Variants in HK2 observed in about 807,000 individuals in gnomAD.
The protein encoded by HK2 is hexokinase 2.
In HK2, 42 loss-of-function variants were observed where a neutral mutation model predicts 92.9. That is an observed-to-expected ratio of 0.45 (90% CI 0.35 to 0.58). The LOEUF is 0.58. Ranked by LOEUF, HK2 falls within the 20% of genes least tolerant of loss-of-function variation. HK2 has a pLI of 0.00. For synonymous variants in HK2, 422 were observed against 468.0 expected (o/e 0.90, Z 1.27); for missense variants, 978 against 1,245.1 (o/e 0.79, Z 3.23).
At position 74,878,817 on chromosome 2, in the gene HK2, A is replaced by G. The variant is rs138547217; in HGVS notation, c.1161A>G (p.Ala387=). The part of the protein sequence containing the change: ...IVSTRSASLC[A]ATLAAVLQRI... ...CCACACGCTCCGCCAGCCTGTGCGC[A>G]GCCACCCTGGCCGCCGTGCTGCAGC... The change falls in exon 9 of 18, where the codon GCA becomes GCG. Residue 387 remains alanine, a synonymous_variant. Transcript: ENST00000290573. 15 of 1,560,896 alleles carry G rather than the reference A, an allele frequency of 9.6e-6. No homozygotes were observed. Among genetic ancestry groups the G allele is most frequent in the Admixed American group, 5.7e-5 (3 of 52,310 alleles).
intron 1 of HK2, among the ~76,000 whole-genome samples, chr2:74,851,250 T>C (rs1688559750): frequency 6.6e-6 from 1 of 152,180 alleles, no homozygotes; most frequent in Admixed American, 6.5e-5. Flanking sequence ...TGCAGAAGTT[T>C]TACGAAGACA....
At position 74,834,805 on chromosome 2, in the gene HK2, G is replaced by T. The variant is rs1468057911; in HGVS notation, c.63+162G>T. On this transcript the variant is annotated intron_variant, in intron 1 of 17. Transcript: ENST00000290573. This position sits in a 1 kb window ranked among gnomAD's most constrained non-coding sequence, Gnocchi z 4.2. Reference sequence around the variant, plus strand: ...GACACTCCTGGGCGCCAGGAGCCACGTCCGCTAAGCACAGCCGGCGAGTGC... The same window carrying T: ...GACACTCCTGGGCGCCAGGAGCCACTTCCGCTAAGCACAGCCGGCGAGTGC... Among the ~76,000 whole-genome samples, 4 of 147,040 alleles carry T rather than the reference G, an allele frequency of 2.7e-5. No individual in the cohort carries two copies. Among genetic ancestry groups the T allele is most frequent in the African/African-American group, 9.8e-5 (4 of 40,906 alleles).
chr2:74,888,105 CT>C, intron 16 of HK2, 47 bp downstream of exon 16: 2 of 1,594,584 alleles, frequency 1.3e-6, no homozygotes, highest in Non-Finnish European at 1.7e-6. Context: ...GTCCTTTTTT[CT>C]CACTGGCAGA....
At chr2:74,855,150 C>T (rs1185213843) in intron 2 of HK2, among the ~76,000 whole-genome samples, 2 of 152,156 alleles carry the variant, frequency 1.3e-5, no homozygotes, top group African/African-American at 4.8e-5. Flanking sequence ...GCATGTGCCA[C>T]CAAGCCCGGC....
At chr2:74,861,185 T>G (rs879393266) in intron 2 of HK2, among the ~76,000 whole-genome samples, 11 of 152,098 alleles carry the variant, frequency 7.2e-5, no homozygotes, top group South Asian at 4.1e-4. Flanking sequence ...CCTAACACTT[T>G]GGGAGGCCAA....
Position 74,834,765 on chromosome 2 carries a change from A to T in HK2, c.63+122A>T, listed in dbSNP as rs1688109146. On this transcript the variant is annotated intron_variant, in intron 1 of 17. Coordinates refer to ENST00000290573, the MANE Select transcript of HK2 (RefSeq NM_000189.5). The surrounding 1 kb of genome is among the most constrained non-coding windows in gnomAD (Gnocchi z 4.2). ...CTACTCCGGGCCTGGGAGCGGAAAA[A>T]GTTTGGGCAGCCGGGACACTCCTGG... The T allele has an allele frequency of 9.3e-7, 1 of 1,077,584 alleles. No homozygotes were observed. Among genetic ancestry groups the T allele is most frequent in the African/African-American group, 1.6e-5 (1 of 64,158 alleles). 66.8% of individuals were successfully genotyped at this position (1,077,584 alleles called of 1,614,324 possible).
At position 74,868,690 on chromosome 2, in the gene HK2, G is replaced by A. The variant is rs1027897917; in HGVS notation, c.375+906G>A. On this transcript the variant is annotated intron_variant, in intron 3 of 17. Transcript: ENST00000290573. ...GGTTGCCTTTTCTTCCCGTTGCCTC[G>A]ATCTCCTGCCTTGGGCCACATCCCC... 3.9e-5 allele frequency among the ~76,000 whole-genome samples: 6 copies of A among 152,118 alleles called. No homozygotes were observed. The East Asian group carries it at 5.8e-4, about 15-fold the overall frequency.
At chr2:74,841,120 T>C (rs1240220137) in intron 1 of HK2, among the ~76,000 whole-genome samples, 1 of 152,144 alleles carries the variant, frequency 6.6e-6, no homozygotes, top group Non-Finnish European at 1.5e-5. Flanking sequence ...AGAGCAAGAA[T>C]TTCCACCTTA....
At chr2:74,866,961 A>T (rs559362986) in intron 2 of HK2, among the ~76,000 whole-genome samples, 1 of 151,870 alleles carries the variant, frequency 6.6e-6, no homozygotes, top group Non-Finnish European at 1.5e-5. Context: ...GCAATATGCA[A>T]ACATAATATG....
Position 74,872,318 on chromosome 2 carries a change from G to T in HK2, c.394G>T (p.Glu132Ter). The change falls in exon 4 of 18, where the codon GAA becomes TAA. Residue 132 changes from glutamate to a stop codon, truncating the protein, a stop_gained. Transcript: ENST00000290573. LOFTEE classifies it high-confidence loss of function. ...TCCTTAGCTGTTTGACCACATTGCC[G>T]AATGCCTGGCTAACTTCATGGATAA... is the stretch of plus-strand genomic sequence containing the variant. ...SGTQLFDHIAECLANFMDKLQ... is the reference protein window; with the variant it reads ...SGTQLFDHIA 1.2e-6 allele frequency: 2 copies of T among 1,613,896 alleles called. No individual in the cohort carries two copies. Among genetic ancestry groups the T allele is most frequent in the Non-Finnish European group, 1.7e-6 (2 of 1,179,892 alleles).
intron 6 of HK2, 108 bp from the exon 7 acceptor site, chr2:74,874,158 A>C: frequency 7.1e-7 from 1 of 1,416,396 alleles, no homozygotes. Context: ...CTGCAGTGAG[A>C]AATCCCAGCC....
At chr2:74,875,431 C>A (rs538461586) in intron 7 of HK2, among the ~76,000 whole-genome samples, 1 of 148,430 alleles carries the variant, frequency 6.7e-6, no homozygotes, top group Non-Finnish European at 1.5e-5. Flanking sequence ...CGGGTTCAAG[C>A]GATTCTCCTA....
At chr2:74,883,803 C>G (rs958810732) in intron 12 of HK2, among the ~76,000 whole-genome samples, 3 of 152,134 alleles carry the variant, frequency 2.0e-5, no homozygotes, top group Non-Finnish European at 4.4e-5. Flanking sequence ...CTTATTATAA[C>G]AAAGATATTA....
intron 1 of HK2, 52 bp from the exon 2 acceptor site, chr2:74,854,241 G>T: frequency 6.4e-7 from 1 of 1,560,884 alleles, no homozygotes; most frequent in Non-Finnish European, 8.8e-7. Context: ...GTACACCTAT[G>T]CCATAATTTA....
In HK2 at chr2:74,862,154, G is replaced by A. The variant is rs555816386; in HGVS notation, c.227-5482G>A. On this transcript the variant is annotated intron_variant, in intron 2 of 17. Coordinates refer to ENST00000290573, the MANE Select transcript of HK2 (RefSeq NM_000189.5). ...CTTACAGTCATCCAGTGGTAGGTACGCTGAACTTCACTTTACAGAAAAAGG... is the reference window on the plus strand; with the variant it reads ...CTTACAGTCATCCAGTGGTAGGTACACTGAACTTCACTTTACAGAAAAAGG... Among the ~76,000 whole-genome samples, 96 of 152,324 alleles carry A rather than the reference G, an allele frequency of 6.3e-4. No homozygotes were observed. The South Asian group carries it at 0.016, about 25-fold the overall frequency.
intron 16 of HK2, among the ~76,000 whole-genome samples, chr2:74,889,002 A>G (rs896748263): frequency 6.6e-6 from 1 of 152,210 alleles, no homozygotes; most frequent in Admixed American, 6.5e-5. Context: ...GTAATGGTCT[A>G]TCTGGAGTAG....
intron 2 of HK2, among the ~76,000 whole-genome samples, chr2:74,862,153 C>T (rs973343112): frequency 1.3e-5 from 2 of 152,162 alleles, no homozygotes; most frequent in Non-Finnish European, 2.9e-5. Context: ...GTGGTAGGTA[C>T]GCTGAACTTC....
At chr2:74,860,651 C>G (rs1178387704) in intron 2 of HK2, among the ~76,000 whole-genome samples, 1 of 152,124 alleles carries the variant, frequency 6.6e-6, no homozygotes, top group Non-Finnish European at 1.5e-5. Context: ...TGATGGACAC[C>G]CGGGCAGTTT....
rs192335098 is a variant in HK2 at position 74,867,748 on chromosome 2, C to T, written c.339C>T (p.Ala113=). The part of the protein sequence containing the change: ...QKVEMENQIY[A]IPEDIMRGSG... Reference sequence around the variant, plus strand: ...TGGAGATGGAGAATCAGATCTATGCCATCCCTGAGGACATCATGCGAGGCA... The same window carrying T: ...TGGAGATGGAGAATCAGATCTATGCTATCCCTGAGGACATCATGCGAGGCA... The change falls in exon 3 of 18, where the codon GCC becomes GCT. Residue 113 remains alanine, a synonymous_variant. Coordinates refer to ENST00000290573, the MANE Select transcript of HK2 (RefSeq NM_000189.5). 2.6e-5 allele frequency: 42 copies of T among 1,614,150 alleles called. No homozygotes were observed. The Admixed American group carries it at 5.2e-4, about 20-fold the overall frequency.
Sources: gnomAD v4.1 joint callset for allele counts (sites outside exome capture counted in the v4.1 genomes callset) on GRCh38, gnomAD v4.1.1 for gene constraint, Gnocchi (gnomAD v3.1) non-coding constraint, MANE v1.5 for transcripts, NCBI Gene and HGNC (gene_info 2026-07-23, HGNC 2026-07-21) for gene names.